CTCF: variants seen among roughly 807,000 people sequenced by gnomAD.
CTCF encodes the protein CCCTC-binding factor.
Under a neutral mutation model 72.3 loss-of-function variants are expected in CTCF, and 7 were observed. The observed-to-expected ratio is 0.10, with a 90% confidence interval of 0.06 to 0.18. The LOEUF (loss-of-function observed/expected upper bound fraction) is 0.18, where lower values mean the gene tolerates loss of function less well. CTCF is among the 10% of genes least tolerant of loss of function. The pLI is 1.00. For synonymous variants in CTCF, 374 were observed against 315.8 expected (o/e 1.18, Z -1.95); for missense variants, 516 against 949.1 (o/e 0.54, Z 6.00).
chr16:67,599,042 T>C (rs1253817857), intron 2 of CTCF, among the ~76,000 whole-genome samples: 1 of 152,176 alleles, frequency 6.6e-6, no homozygotes, highest in Admixed American at 6.5e-5. Context: ...AGGGGAGTTA[T>C]AAATGGGCAA....
In CTCF at chr16:67,637,899, C is replaced by G. The variant is rs1249357714; in HGVS notation, c.*27C>G. On this transcript the variant is annotated 3_prime_UTR_variant, in exon 12 of 12. Coordinates refer to ENST00000264010, the MANE Select transcript of CTCF (RefSeq NM_006565.4). ...GGCGGAGCCTTGTGCGTCGCCAGGA[C>G]TTCTCTGGGCTGTGTTTAAACGGCC... 6.5e-7 allele frequency: 1 copy of G among 1,544,704 alleles called. No individual in the cohort carries two copies. Among genetic ancestry groups the G allele is most frequent in the Non-Finnish European group, 8.8e-7 (1 of 1,141,670 alleles).
chr16:67,570,416 A>G (rs1291887183), intron 1 of CTCF, among the ~76,000 whole-genome samples: 1 of 145,228 alleles, frequency 6.9e-6, no homozygotes, highest in African/African-American at 2.5e-5. Context: ...TATGTGTGCC[A>G]TTATTTGGTT....
rs140708467 is a variant in CTCF at position 67,610,660 on chromosome 16, GGTT to G, written c.-9-160_-9-158del. ...TGAGCCACTGCACCTGGCCAGTAGTGGTTGTTTCTTTCATCAAGAGGCACATGT... is the reference window on the plus strand; with the variant it reads ...TGAGCCACTGCACCTGGCCAGTAGTGGTTTCTTTCATCAAGAGGCACATGT... On this transcript the variant is annotated intron_variant, in intron 2 of 11. Coordinates refer to ENST00000264010, the MANE Select transcript of CTCF (RefSeq NM_006565.4). The G allele has an allele frequency of 0.011, 4,435 of 413,884 alleles. 173 individuals carry two copies. The highest frequency in any genetic ancestry group is 0.084 in the African/African-American group (4,107 of 48,860). 25.6% of individuals were successfully genotyped at this position (413,884 alleles called of 1,614,324 possible).
chr16:67,622,811 A>C (rs560999273), intron 7 of CTCF, among the ~76,000 whole-genome samples: 1 of 123,930 alleles, frequency 8.1e-6, no homozygotes, highest in African/African-American at 3.1e-5. Context: ...GCCCGGCTAA[A>C]TTTTTTTTTT....
At position 67,634,147 on chromosome 16, in the gene CTCF, C is replaced by T. The variant is rs1363088168; in HGVS notation, c.1838-2543C>T. 2.0e-5 allele frequency among the ~76,000 whole-genome samples: 3 copies of T among 152,194 alleles called. No homozygotes were observed. In the East Asian group the frequency reaches 5.8e-4, roughly 29 times the overall value. ...ATTTTTTGGAACCTCACACCCTGCTCCCCTAAAAGCATTTTTAAATGGGCT... is the reference window on the plus strand; with the variant it reads ...ATTTTTTGGAACCTCACACCCTGCTTCCCTAAAAGCATTTTTAAATGGGCT... On this transcript the variant is annotated intron_variant, in intron 10 of 11. Transcript: ENST00000264010.
chr16:67,595,043 A>ACT (rs1193992997), intron 2 of CTCF, among the ~76,000 whole-genome samples: 1 of 152,200 alleles, frequency 6.6e-6, no homozygotes, highest in African/African-American at 2.4e-5. Flanking sequence ...AACAAACTGT[A>ACT]CAGAGCTCTG....
intron 11 of CTCF, among the ~76,000 whole-genome samples, chr16:67,637,192 G>A (rs1302081672): frequency 6.6e-6 from 1 of 152,200 alleles, no homozygotes; most frequent in Non-Finnish European, 1.5e-5. Flanking sequence ...GAGCCAAATC[G>A]TAAAGGTTGG....
At position 67,637,671 on chromosome 16, in the gene CTCF, G is replaced by C; in HGVS notation, c.2000-17G>C. 5.6e-6 allele frequency: 9 copies of C among 1,606,360 alleles called. No homozygotes were observed. The highest frequency in any genetic ancestry group is 7.7e-6 in the Non-Finnish European group (9 of 1,175,000). ...CTTTAATGGACCATTTGTTCTGTCT[G>C]TGCTCTTCTTTGCCAGCAACAGCTA... On this transcript the variant is annotated splice_polypyrimidine_tract_variant and intron_variant, in intron 11 of 11. Coordinates refer to ENST00000264010, the MANE Select transcript of CTCF (RefSeq NM_006565.4).
At chr16:67,588,852 A>C (rs1470570907) in intron 2 of CTCF, among the ~76,000 whole-genome samples, 1 of 150,966 alleles carries the variant, frequency 6.6e-6, no homozygotes, top group African/African-American at 2.5e-5. Flanking sequence ...ACACCCGGCT[A>C]ATTTTTGTAT....
At chr16:67,603,492 C>T (rs1445355224) in intron 2 of CTCF, among the ~76,000 whole-genome samples, 1 of 150,940 alleles carries the variant, frequency 6.6e-6, no homozygotes, top group Non-Finnish European at 1.5e-5. Context: ...GAGATCAAGT[C>T]CCTGCACTCC....
At chr16:67,624,069 ATATGTGTGTGTGTGTGTG>A (rs1322748688) in intron 7 of CTCF, among the ~76,000 whole-genome samples, 5 of 91,458 alleles carry the variant, frequency 5.5e-5, no homozygotes, top group Non-Finnish European at 8.8e-5. Context: ...AAAAAATTAT[ATATGTGTGTGTGTGTGTG>A]TGTGTGTGTG....
chr16:67,589,815 G>C, intron 2 of CTCF, among the ~76,000 whole-genome samples: 1 of 152,192 alleles, frequency 6.6e-6, no homozygotes, highest in South Asian at 2.1e-4. Context: ...GCCTGGACGC[G>C]GTGGCTCACA....
chr16:67,588,615 A>G (rs1376081858), intron 2 of CTCF, among the ~76,000 whole-genome samples: 2 of 152,136 alleles, frequency 1.3e-5, no homozygotes, highest in Non-Finnish European at 2.9e-5. Context: ...ACAGATGAGC[A>G]TTATCTTTGT....
intron 2 of CTCF, among the ~76,000 whole-genome samples, chr16:67,591,297 A>G (rs564147561): frequency 6.6e-6 from 1 of 152,322 alleles, no homozygotes; most frequent in African/African-American, 2.4e-5. Context: ...GTCTCAAAAA[A>G]TAAATGAAAA....
intron 2 of CTCF, among the ~76,000 whole-genome samples, chr16:67,582,170 C>T (rs981802311): frequency 6.7e-6 from 1 of 150,088 alleles, no homozygotes; most frequent in Non-Finnish European, 1.5e-5. Flanking sequence ...GAGATCGTGC[C>T]ACTGCACTCC....
intron 9 of CTCF, among the ~76,000 whole-genome samples, chr16:67,628,995 T>G (rs2142867970): frequency 6.6e-6 from 1 of 150,490 alleles, no homozygotes; most frequent in South Asian, 2.1e-4. Flanking sequence ...GAGCTTGCAG[T>G]GATCCGAGAT....
intron 1 of CTCF, among the ~76,000 whole-genome samples, chr16:67,565,456 C>T (rs1299106857): frequency 6.6e-6 from 1 of 151,860 alleles, no homozygotes; most frequent in African/African-American, 2.4e-5. Context: ...GGGAGAATCA[C>T]GAGGTCAGGA....
chr16:67,588,810 C>A (rs951965358), intron 2 of CTCF, among the ~76,000 whole-genome samples: 1 of 152,104 alleles, frequency 6.6e-6, no homozygotes, highest in African/African-American at 2.4e-5. Context: ...CATCAGCCTC[C>A]CAAGTAGCTG....
At chr16:67,627,922 CA>C (rs966649326) in intron 8 of CTCF, 1,524 of 45,554 alleles carry the variant, frequency 0.033, 12 homozygotes, top group African/African-American at 0.085. Context: ...GACTCCATCT[CA>C]AAAAAAAAAA....
Sources: gnomAD v4.1 joint callset for allele counts (sites outside exome capture counted in the v4.1 genomes callset) on GRCh38, gnomAD v4.1.1 for gene constraint, MANE v1.5 for transcripts, NCBI Gene and HGNC (gene_info 2026-07-23, HGNC 2026-07-21) for gene names.